PVT1: variants seen among roughly 807,000 people sequenced by gnomAD.
PVT1 encodes the protein Pvt1 oncogene.
chr8:127,851,955 T>C (rs1815111573), intron 2 of PVT1: 1 of 152,274 alleles, frequency 6.6e-6, no homozygotes, highest in South Asian at 2.1e-4. Context: ...GTGATGACCC[T>C]GAAGTGAGGA....
rs146647918 is a variant in PVT1 at position 127,863,078 on chromosome 8, TTTTATTTATTTATTTATTTATTTA to T, written n.373-27487_373-27464del. ...CCCCATTAATCTGGGCAGTTGCTAGTTTTATTTATTTATTTATTTATTTATTTATTTATTTATTTATTTATTTTT... is the reference window on the plus strand; with the variant it reads ...CCCCATTAATCTGGGCAGTTGCTAGTTTTATTTATTTATTTATTTATTTTT... On this transcript the variant is annotated intron_variant and non_coding_transcript_variant, in intron 2 of 10. Coordinates refer to ENST00000651587, the Ensembl canonical transcript of PVT1. 2.8e-5 allele frequency among the ~76,000 whole-genome samples: 4 copies of T among 142,138 alleles called. 1 individual carries two copies. The South Asian group carries it at 7.2e-4, about 25-fold the overall frequency. 93.2% of individuals were successfully genotyped at this position (142,138 alleles called of 152,430 possible).
chr8:128,084,717 CT>C (rs1234147884), intron 5 of PVT1, among the ~76,000 whole-genome samples: 1 of 152,158 alleles, frequency 6.6e-6, no homozygotes, highest in Non-Finnish European at 1.5e-5. Flanking sequence ...TCTTATGAGC[CT>C]GCTCAATTGG....
intron 2 of PVT1, among the ~76,000 whole-genome samples, chr8:127,864,842 C>G (rs1815270088): frequency 6.6e-6 from 1 of 152,204 alleles, no homozygotes. Flanking sequence ...GTCACTGCGC[C>G]CAGCCAGGAT....
chr8:128,045,914 G>A (rs757548125), intron 4 of PVT1, among the ~76,000 whole-genome samples: 8 of 152,166 alleles, frequency 5.3e-5, no homozygotes, highest in Admixed American at 1.3e-4. Flanking sequence ...CAGCTGCAAA[G>A]ATTTTGATTT....
chr8:127,890,620 A>C (rs532373710), exon 3 of PVT1: 1 of 152,388 alleles, frequency 6.6e-6, no homozygotes, highest in East Asian at 1.9e-4. Context: ...GAGATTAAAA[A>C]GATGCCCCTC....
At chr8:127,818,130 A>G (rs963859995) in intron 2 of PVT1, among the ~76,000 whole-genome samples, 2 of 152,160 alleles carry the variant, frequency 1.3e-5, no homozygotes. Context: ...GCTTTCCTCA[A>G]GGTGATCTTG....
At chr8:127,801,504 G>A (rs1166272569) in intron 2 of PVT1, among the ~76,000 whole-genome samples, 2 of 152,150 alleles carry the variant, frequency 1.3e-5, no homozygotes, top group African/African-American at 4.8e-5. Context: ...GCCTCCCAAA[G>A]TGTTGGGATT....
chr8:127,884,215 T>C (rs1815500042), intron 2 of PVT1, among the ~76,000 whole-genome samples: 2 of 152,226 alleles, frequency 1.3e-5, no homozygotes, highest in Admixed American at 6.5e-5. Context: ...CCTGTTTATG[T>C]ACTTAATCTA....
chr8:127,811,878 C>T (rs1227149090), intron 2 of PVT1, among the ~76,000 whole-genome samples: 1 of 152,136 alleles, frequency 6.6e-6, no homozygotes, highest in African/African-American at 2.4e-5. Context: ...TTGCTGATTT[C>T]CATCAGGGTA....
intron 2 of PVT1, among the ~76,000 whole-genome samples, chr8:127,836,927 G>A (rs1289721691): frequency 2.6e-5 from 4 of 152,070 alleles, no homozygotes; most frequent in Non-Finnish European, 5.9e-5. Flanking sequence ...TCACACCCAT[G>A]CCAGGTGTGA....
chr8:127,983,062 C>T (rs1046723692), intron 3 of PVT1, among the ~76,000 whole-genome samples: 3 of 152,080 alleles, frequency 2.0e-5, no homozygotes, highest in Admixed American at 6.6e-5. Flanking sequence ...CGTGGGGCCT[C>T]GGCTTCAGAG....
At chr8:128,060,632 C>T (rs1813818914) in intron 4 of PVT1, among the ~76,000 whole-genome samples, 1 of 152,190 alleles carries the variant, frequency 6.6e-6, no homozygotes, top group Non-Finnish European at 1.5e-5. Context: ...TTATGCTTCC[C>T]AGGTGGCATG....
chr8:127,840,756 C>T (rs1449064636), intron 2 of PVT1, among the ~76,000 whole-genome samples: 2 of 151,970 alleles, frequency 1.3e-5, no homozygotes, highest in African/African-American at 4.8e-5. Context: ...CGAACTGGTC[C>T]TGCCCATGCA....
chr8:127,812,240 A>AAGGC (rs1554588570), intron 2 of PVT1, among the ~76,000 whole-genome samples: 7 of 127,714 alleles, frequency 5.5e-5, no homozygotes, highest in Non-Finnish European at 8.1e-5. Context: ...GGCAGGAAGG[A>AAGGC]AGGAAGGCAG....
intron 4 of PVT1, chr8:128,009,066 A>G (rs1259369623): frequency 3.0e-6 from 1 of 334,880 alleles, no homozygotes; most frequent in Non-Finnish European, 6.8e-6. Flanking sequence ...CATAATCAAG[A>G]TAATTATGAA....
intron 2 of PVT1, among the ~76,000 whole-genome samples, chr8:127,820,952 G>T (rs1041265064): frequency 2.0e-5 from 3 of 152,046 alleles, no homozygotes; most frequent in Admixed American, 6.6e-5. Flanking sequence ...CAAGTGATCC[G>T]CCCGCCTTGG....
At chr8:127,996,717 C>T (rs1406973111) in intron 4 of PVT1, 1 of 152,276 alleles carries the variant, frequency 6.6e-6, no homozygotes, top group South Asian at 2.1e-4. Flanking sequence ...CCTGAGTCTT[C>T]AGCCGCCGCC....
rs149873941 is a variant in PVT1, at chr8:127,974,834, T to C, written n.783-14328T>C. 4.8e-3 allele frequency among the ~76,000 whole-genome samples: 734 copies of C among 152,376 alleles called. 7 individuals carry two copies. Among genetic ancestry groups the C allele is most frequent in the African/African-American group, 0.017 (706 of 41,586 alleles). On this transcript the variant is annotated intron_variant and non_coding_transcript_variant, in intron 3 of 10. Transcript: ENST00000651587. ...AATCAGATTGTTTTCAGATATCTGA[T>C]ATGTTTTGTCTTTACATTAATTAAT...
At chr8:127,939,252 C>G (rs1244888593) in intron 3 of PVT1, among the ~76,000 whole-genome samples, 2 of 152,122 alleles carry the variant, frequency 1.3e-5, no homozygotes, top group Non-Finnish European at 2.9e-5. Context: ...CTTTCCCAAC[C>G]AGCACCTTGG....
Sources: gnomAD v4.1 joint callset for allele counts (sites outside exome capture counted in the v4.1 genomes callset) on GRCh38, gnomAD v4.1.1 for gene constraint, MANE v1.5 for transcripts, NCBI Gene and HGNC (gene_info 2026-07-23, HGNC 2026-07-21) for gene names.